The following CDH12 variants were observed in gnomAD, a reference collection of about 807,000 sequenced individuals.
The protein encoded by CDH12 is cadherin 12.
CDH12 carries 41 observed loss-of-function variants against 74.1 expected under a neutral mutation model. That is an observed-to-expected ratio of 0.55 (90% CI 0.43 to 0.72). CDH12 has a LOEUF of 0.72. CDH12 is among the 30% of genes least tolerant of loss of function. The pLI, the probability that CDH12 is intolerant of heterozygous loss-of-function variation, is 0.00. For synonymous variants in CDH12, 399 were observed against 355.0 expected, an observed-to-expected ratio of 1.12 and a Z score of -1.39; for missense variants, 945 against 977.2, an observed-to-expected ratio of 0.97 and a Z score of 0.44.
chr5:22,077,065 TG>T, intron 5 of CDH12, among the ~76,000 whole-genome samples: 1 of 151,686 alleles, frequency 6.6e-6, no homozygotes, highest in East Asian at 1.9e-4. Context: ...TGTGTGTGTG[TG>T]TGTGTGTGTG....
intron 2 of CDH12, among the ~76,000 whole-genome samples, chr5:22,454,006 A>G (rs1469952340): frequency 6.6e-6 from 1 of 152,166 alleles, no homozygotes; most frequent in African/African-American, 2.4e-5. Flanking sequence ...ATGAGATATA[A>G]TAAGTAAAAA....
At chr5:22,220,881 C>T (rs1031962835) in intron 3 of CDH12, among the ~76,000 whole-genome samples, 1 of 151,688 alleles carries the variant, frequency 6.6e-6, no homozygotes, top group African/African-American at 2.4e-5. Flanking sequence ...ATTCCCACTT[C>T]ATCCTTTCTA....
intron 8 of CDH12, among the ~76,000 whole-genome samples, chr5:21,827,360 G>A (rs1156492965): frequency 1.3e-5 from 2 of 152,030 alleles, no homozygotes; most frequent in African/African-American, 4.8e-5. Flanking sequence ...TCCCTTTTCA[G>A]TGATTGGAGA....
intron 1 of CDH12, among the ~76,000 whole-genome samples, chr5:22,779,176 T>C (rs1319099437): frequency 6.6e-6 from 1 of 151,620 alleles, no homozygotes; most frequent in Non-Finnish European, 1.5e-5. Context: ...ATGTTGCTGC[T>C]CCTTCGGCAA....
chr5:22,722,237 T>C (rs1280782737), intron 1 of CDH12, among the ~76,000 whole-genome samples: 2 of 152,214 alleles, frequency 1.3e-5, no homozygotes, highest in South Asian at 2.1e-4. Context: ...AGCAAGCATA[T>C]TGCCTGGCAT....
In CDH12 at chr5:22,225,237, C is replaced by T. The variant is rs577037240; in HGVS notation, c.-332-12594G>A. On this transcript the variant is annotated intron_variant, in intron 3 of 14. Coordinates refer to ENST00000382254, the MANE Select transcript of CDH12 (RefSeq NM_004061.5). ...TAGAATGATGTAGAAAGGATGCTAA[C>T]GTTATAAATATACAATAGCATAGCT... is the stretch of plus-strand genomic sequence containing the variant. Among the ~76,000 whole-genome samples the T allele has an allele frequency of 1.4e-4, 21 of 152,160 alleles. No homozygotes were observed. The South Asian group carries it at 2.7e-3, about 20-fold the overall frequency.
intron 4 of CDH12, among the ~76,000 whole-genome samples, chr5:22,180,450 A>G (rs1749571812): frequency 6.6e-6 from 1 of 151,888 alleles, no homozygotes. Flanking sequence ...TCCTTTTGCC[A>G]AAGTTTTCAA....
At chr5:21,866,527 C>T (rs887342787) in intron 6 of CDH12, among the ~76,000 whole-genome samples, 1 of 152,104 alleles carries the variant, frequency 6.6e-6, no homozygotes, top group African/African-American at 2.4e-5. Flanking sequence ...TGTATTTTTC[C>T]CGTGGCCTAG....
At chr5:22,838,676 T>TGTGA (rs1258518340) in intron 1 of CDH12, among the ~76,000 whole-genome samples, 13 of 151,614 alleles carry the variant, frequency 8.6e-5, no homozygotes, top group African/African-American at 2.9e-4. Context: ...TGTGTGTGTG[T>TGTGA]GTGTGTGTGT....
chr5:22,319,552 G>T (rs1738775347), intron 3 of CDH12, among the ~76,000 whole-genome samples: 1 of 152,076 alleles, frequency 6.6e-6, no homozygotes, highest in South Asian at 2.1e-4. Context: ...GTAACTGACA[G>T]TACAATGATA....
chr5:22,757,284 G>A (rs948545441), intron 1 of CDH12, among the ~76,000 whole-genome samples: 8 of 152,104 alleles, frequency 5.3e-5, no homozygotes, highest in South Asian at 2.1e-4. Context: ...AAATGTTTGC[G>A]TTGGTCACAT....
chr5:21,861,899 A>AGTGTGTGT lies in CDH12; in HGVS notation c.527-7117_527-7110dup, dbSNP rs59953319. Among the ~76,000 whole-genome samples, 436 of 147,828 alleles carry AGTGTGTGT rather than the reference A, an allele frequency of 2.9e-3. 1 individual carries two copies. The highest frequency in any genetic ancestry group is 8.2e-3 in the East Asian group (41 of 4,996). On this transcript the variant is annotated intron_variant, in intron 6 of 14. Coordinates refer to ENST00000382254, the MANE Select transcript of CDH12 (RefSeq NM_004061.5). ...CAGCATGTAGTTTTTGGTCATTTCT[A>AGTGTGTGT]GTGTGTGTGTGTGTGTGTGTGTGTG...
At chr5:21,916,162 CAAT>C (rs1209473740) in intron 6 of CDH12, among the ~76,000 whole-genome samples, 2 of 151,830 alleles carry the variant, frequency 1.3e-5, no homozygotes, top group Non-Finnish European at 2.9e-5. Context: ...AACAACACAC[CAAT>C]AATAATAATT....
chr5:22,442,387 C>G (rs1248458646), intron 2 of CDH12, among the ~76,000 whole-genome samples: 2 of 152,062 alleles, frequency 1.3e-5, no homozygotes, highest in Non-Finnish European at 2.9e-5. Context: ...AGCCTGTAGT[C>G]CCAGCTACTC....
intron 7 of CDH12, among the ~76,000 whole-genome samples, chr5:21,846,327 G>A (rs551146662): frequency 4.1e-4 from 62 of 152,216 alleles, no homozygotes; most frequent in African/African-American, 1.5e-3. Flanking sequence ...CTGCAGGAGA[G>A]CCTTTCTCTT....
intron 1 of CDH12, among the ~76,000 whole-genome samples, chr5:22,550,613 G>T (rs919182377): frequency 6.6e-6 from 1 of 152,128 alleles, no homozygotes; most frequent in Non-Finnish European, 1.5e-5. Context: ...TACACCTTAA[G>T]TCCAAATAAC....
chr5:21,822,265 C>G (rs1472182435), intron 8 of CDH12, among the ~76,000 whole-genome samples: 1 of 144,716 alleles, frequency 6.9e-6, no homozygotes, highest in Non-Finnish European at 1.5e-5. Flanking sequence ...TTTGTATAGT[C>G]TATATGTATT....
At chr5:22,410,072 A>G (rs1743112069) in intron 2 of CDH12, among the ~76,000 whole-genome samples, 1 of 152,108 alleles carries the variant, frequency 6.6e-6, no homozygotes, top group African/African-American at 2.4e-5. Flanking sequence ...AGTAAAAATG[A>G]CAGGATAAAA....
At chr5:22,033,547 C>A (rs138580884) in intron 5 of CDH12, among the ~76,000 whole-genome samples, 1 of 152,070 alleles carries the variant, frequency 6.6e-6, no homozygotes. Flanking sequence ...TTTGAATCTG[C>A]CCTGAATGGA....
Sources: gnomAD v4.1 joint callset for allele counts (sites outside exome capture counted in the v4.1 genomes callset) on GRCh38, gnomAD v4.1.1 for gene constraint, MANE v1.5 for transcripts, NCBI Gene and HGNC (gene_info 2026-07-23, HGNC 2026-07-21) for gene names.